Variants in C8orf34 observed in about 807,000 individuals in gnomAD.
C8orf34 encodes uncharacterized protein C8orf34.
Under a neutral mutation model 68.3 loss-of-function variants are expected in C8orf34, and 65 were observed. That is an observed-to-expected ratio of 0.95 (90% CI 0.78 to 1.17). The LOEUF is 1.17. C8orf34 is among the 50% of genes most tolerant of loss of function. The pLI, the probability that C8orf34 is intolerant of heterozygous loss-of-function variation, is 0.00. For missense variants in C8orf34, 664 were observed against 655.4 expected, an observed-to-expected ratio of 1.01 and a Z score of -0.14; for synonymous variants, 244 against 241.2, an observed-to-expected ratio of 1.01 and a Z score of -0.11.
chr8:68,370,753 CT>C (rs1441831006), intron 1 of C8orf34, among the ~76,000 whole-genome samples: 1 of 152,164 alleles, frequency 6.6e-6, no homozygotes, highest in East Asian at 1.9e-4. Context: ...AGAGCTAACA[CT>C]TTACATGAAG....
At chr8:68,509,542 G>T (rs1814170430) in intron 5 of C8orf34, among the ~76,000 whole-genome samples, 1 of 142 alleles carries the variant, frequency 7.0e-3, no homozygotes. Flanking sequence ...AGGATGCACT[G>T]AGGTGTGTGT....
At chr8:68,744,937 T>C (rs1295724344) in intron 10 of C8orf34, among the ~76,000 whole-genome samples, 1 of 152,100 alleles carries the variant, frequency 6.6e-6, no homozygotes, top group African/African-American at 2.4e-5. Context: ...AATTGTCAGA[T>C]TCACCAAAGT....
At chr8:68,459,845 G>T (rs1586180815) in intron 3 of C8orf34, among the ~76,000 whole-genome samples, 1 of 152,196 alleles carries the variant, frequency 6.6e-6, no homozygotes, top group Non-Finnish European at 1.5e-5. Flanking sequence ...CCGGTCTACA[G>T]CTCCCAGTGT....
At chr8:68,488,114 C>A in intron 5 of C8orf34, 63 bp downstream of exon 5, 1 of 1,142,166 alleles carries the variant, frequency 8.8e-7, no homozygotes, top group South Asian at 1.6e-5. Context: ...TCCACTGTCT[C>A]AACATAAATA....
chr8:68,372,677 G>A (rs1346747501), intron 1 of C8orf34, among the ~76,000 whole-genome samples: 4 of 152,106 alleles, frequency 2.6e-5, no homozygotes, highest in African/African-American at 9.7e-5. Context: ...AGGTATACAC[G>A]TGCTGTGGTG....
chr8:68,743,545 C>A (rs1325209385), intron 10 of C8orf34, among the ~76,000 whole-genome samples: 2 of 152,172 alleles, frequency 1.3e-5, no homozygotes, highest in Non-Finnish European at 2.9e-5. Flanking sequence ...GCAAGCCGAA[C>A]CAGGGCGAGG....
intron 10 of C8orf34, among the ~76,000 whole-genome samples, chr8:68,751,270 AT>A (rs1822700283): frequency 6.6e-6 from 1 of 152,158 alleles, no homozygotes; most frequent in South Asian, 2.1e-4. Context: ...CTGATTTCAA[AT>A]ATTTTGGCTT....
At chr8:68,544,220 G>T (rs1451286017) in intron 7 of C8orf34, among the ~76,000 whole-genome samples, 1 of 152,162 alleles carries the variant, frequency 6.6e-6, no homozygotes, top group African/African-American at 2.4e-5. Context: ...CTGAGAGAAT[G>T]CTTATTGTGT....
chr8:68,721,430 C>T lies in C8orf34; in HGVS notation c.1397C>T (p.Thr466Ile). The stretch of plus-strand genomic sequence containing the variant: ...GAATTTGAGAAAGCATCTAAACTAA[C>T]AGGACCTGTAAGTATATTCATTGAC... ...GDEFEKASKLTGPGEASSGVG... is the reference protein window; with the variant it reads ...GDEFEKASKLIGPGEASSGVG... The change falls in exon 10 of 14, where the codon ACA (threonine) becomes ATA (isoleucine). Residue 466 changes from threonine to isoleucine, a missense_variant. By Grantham distance (89) the Thr-to-Ile change is moderately conservative (BLOSUM62 -1). Transcript: ENST00000518698. 6.2e-7 allele frequency: 1 copy of T among 1,602,790 alleles called. No homozygotes were observed. Among genetic ancestry groups the T allele is most frequent in the East Asian group, 2.2e-5 (1 of 44,648 alleles).
chr8:68,685,878 GTAAATAAATAAATAAA>G (rs57861421), intron 8 of C8orf34, among the ~76,000 whole-genome samples: 51 of 139,216 alleles, frequency 3.7e-4, no homozygotes, highest in Middle Eastern at 3.5e-3. Flanking sequence ...CCCTATCTCA[GTAAATAAATAAATAAA>G]TAAATAAATA....
At chr8:68,785,732 C>A (rs528665394) in intron 11 of C8orf34, among the ~76,000 whole-genome samples, 1 of 152,108 alleles carries the variant, frequency 6.6e-6, no homozygotes, top group South Asian at 2.1e-4. Context: ...GTATAAAATT[C>A]TATGGATTTT....
At chr8:68,663,228 G>A (rs1819736356) in intron 8 of C8orf34, among the ~76,000 whole-genome samples, 1 of 152,118 alleles carries the variant, frequency 6.6e-6, no homozygotes, top group Non-Finnish European at 1.5e-5. Flanking sequence ...GTTTGTTTCA[G>A]AGAAGAATAT....
intron 8 of C8orf34, among the ~76,000 whole-genome samples, chr8:68,693,378 T>C (rs1010335912): frequency 2.6e-4 from 40 of 152,098 alleles, no homozygotes; most frequent in African/African-American, 9.2e-4. Flanking sequence ...TGTGGATGCA[T>C]TCTGATTTTA....
At chr8:68,373,399 C>T (rs1563386381) in intron 1 of C8orf34, among the ~76,000 whole-genome samples, 1 of 152,220 alleles carries the variant, frequency 6.6e-6, no homozygotes, top group Non-Finnish European at 1.5e-5. Flanking sequence ...TCTCTCTACT[C>T]ATAGGAATTC....
chr8:68,610,637 G>A (rs1291039975), intron 7 of C8orf34, among the ~76,000 whole-genome samples: 1 of 152,098 alleles, frequency 6.6e-6, no homozygotes, highest in Admixed American at 6.6e-5. Context: ...CTAAGCCAGA[G>A]CCATAGAAGG....
chr8:68,391,412 C>T (rs1385782930), intron 1 of C8orf34, among the ~76,000 whole-genome samples: 6 of 152,220 alleles, frequency 3.9e-5, no homozygotes, highest in Middle Eastern at 3.4e-3. Context: ...TGCTGGTGGC[C>T]ATGTCTCCCA....
At chr8:68,762,285 T>C (rs532314503) in intron 10 of C8orf34, among the ~76,000 whole-genome samples, 1 of 152,332 alleles carries the variant, frequency 6.6e-6, no homozygotes, top group Admixed American at 6.5e-5. Context: ...GTTTCATAAC[T>C]TGACTTTATT....
chr8:68,416,632 A>G (rs1372028406), intron 1 of C8orf34, among the ~76,000 whole-genome samples: 1 of 151,814 alleles, frequency 6.6e-6, no homozygotes, highest in African/African-American at 2.4e-5. Flanking sequence ...ACCAGGTTTG[A>G]GTGATTCTTC....
chr8:68,768,725 C>A (rs942905544), intron 10 of C8orf34, among the ~76,000 whole-genome samples: 2 of 152,066 alleles, frequency 1.3e-5, no homozygotes, highest in African/African-American at 4.8e-5. Context: ...TTGTAAGAGT[C>A]ATATGAAATC....
Sources: allele counts gnomAD v4.1 joint callset (sites outside exome capture counted in the v4.1 genomes callset), GRCh38; gene constraint gnomAD v4.1.1; transcripts MANE v1.5; gene names NCBI Gene and HGNC (gene_info 2026-07-23, HGNC 2026-07-21).